Variants in MINAR1 observed in about 807,000 individuals in gnomAD.
MINAR1 encodes the protein major intrinsically disordered Notch2-binding receptor 1.
MINAR1 carries 40 observed loss-of-function variants against 65.1 expected under a neutral mutation model. The observed-to-expected ratio is 0.61, with a 90% CI of 0.48 to 0.80. MINAR1 has a LOEUF of 0.80. Among genes scored for constraint, MINAR1 ranks in the 30% least tolerant of loss-of-function variants. The probability of loss-of-function intolerance (pLI) is 0.00; values close to 1 mark genes in which losing one functional copy is unlikely to be tolerated. For synonymous variants in MINAR1, 482 were observed against 449.1 expected (o/e 1.07, Z -0.93); for missense variants, 1,128 against 1,148.0 (o/e 0.98, Z 0.25).
At chr15:79,443,733 A>G (rs1469427502) in intron 1 of MINAR1, among the ~76,000 whole-genome samples, 1 of 152,134 alleles carries the variant, frequency 6.6e-6, no homozygotes, top group African/African-American at 2.4e-5. Flanking sequence ...TTATTCCCCC[A>G]CATTATTTTA....
At position 79,435,161 on chromosome 15, in the gene MINAR1, A is replaced by G. The variant is rs190992547; in HGVS notation, c.-51+2621A>G. ...CATGGCGGTGCATGCCTGTAATCCC[A>G]GCTACTCGGGAGGCTGAGGTAGGAG... On this transcript the variant is annotated intron_variant, in intron 1 of 3. Transcript: ENST00000305428. Among the ~76,000 whole-genome samples the G allele has an allele frequency of 6.8e-3, 1,028 of 152,190 alleles. 44 individuals carry two copies. The East Asian group carries it at 0.13, about 19-fold the overall frequency.
At chr15:79,428,533 C>A (rs184592465), upstream of MINAR1, among the ~76,000 whole-genome samples, 494 of 141,206 alleles carry the variant, frequency 3.5e-3, 1 homozygote, top group African/African-American at 8.5e-3. Context: ...CCCTTTTCTT[C>A]CTTCCTTTTG....
chr15:79,439,934 AG>A (rs1224279211), intron 1 of MINAR1, among the ~76,000 whole-genome samples: 2 of 152,156 alleles, frequency 1.3e-5, no homozygotes, highest in African/African-American at 2.4e-5. Context: ...GCCACCAAAA[AG>A]ATCCTTAGCT....
intron 1 of MINAR1, among the ~76,000 whole-genome samples, chr15:79,434,891 TGAG>T (rs1269247000): frequency 6.6e-6 from 1 of 152,094 alleles, no homozygotes; most frequent in Non-Finnish European, 1.5e-5. Flanking sequence ...ATGTGTAAAA[TGAG>T]AGAGTATCAG....
At chr15:79,424,347 A>C in the MINAR1 span, 7 of 152,296 alleles carry the variant, frequency 4.6e-5, no homozygotes, top group Non-Finnish European at 1.0e-4. Flanking sequence ...TTTCCTTTTC[A>C]GGCAATATTA....
chr15:79,435,248 C>A (rs1307341634), intron 1 of MINAR1, among the ~76,000 whole-genome samples: 2 of 151,304 alleles, frequency 1.3e-5, no homozygotes, highest in Admixed American at 1.3e-4. Context: ...TGCACTCCAG[C>A]CTGGGCAACA....
Position 79,469,567 on chromosome 15 carries a change from A to G in MINAR1, c.*1183A>G, listed in dbSNP as rs1335838308. 1.3e-5 allele frequency: 2 copies of G among 152,322 alleles called. No homozygotes were observed. The highest frequency in any genetic ancestry group is 3.8e-4 in the East Asian group (2 of 5,202). The allele number at this position is 152,322 out of a possible 1,614,324, so 9.4% of individuals were successfully genotyped here. A position where few individuals can be genotyped will look rare whatever the true frequency, so the allele number is the denominator to read the frequency against. On this transcript the variant is annotated 3_prime_UTR_variant, in exon 4 of 4. Coordinates refer to ENST00000305428, the MANE Select transcript of MINAR1 (RefSeq NM_015206.3). ...TATCTATCTATCTATATGTCTATCT[A>G]TCTATCTAAATACTTGATTTTTATT...
chr15:79,431,932 C>G (rs1324704855), upstream of MINAR1, among the ~76,000 whole-genome samples: 1 of 152,216 alleles, frequency 6.6e-6, no homozygotes, highest in Non-Finnish European at 1.5e-5. Context: ...AGGGCACCCC[C>G]TTGGCGCGAC....
rs780489588 is a variant in MINAR1 at position 79,463,216 on chromosome 15, G to T, written c.2448G>T (p.Arg816=). 1.7e-5 allele frequency: 27 copies of T among 1,614,098 alleles called. No homozygotes were observed. The highest frequency in any genetic ancestry group is 2.0e-5 in the Non-Finnish European group (24 of 1,180,060). ...GCAACCCCCTGTACACAGACATGCG[G>T]CTGACCGAGTTGGCCGAGGTGAAGC... ...MKSNPLYTDM[R]LTELAEVKRG... The change falls in exon 3 of 4, where the codon CGG becomes CGT. Residue 816 remains arginine (R), a synonymous_variant. Coordinates refer to ENST00000305428, the MANE Select transcript of MINAR1 (RefSeq NM_015206.3).
At chr15:79,444,193 T>A (rs1894946858) in intron 1 of MINAR1, among the ~76,000 whole-genome samples, 1 of 152,172 alleles carries the variant, frequency 6.6e-6, no homozygotes, top group South Asian at 2.1e-4. Flanking sequence ...TCATATTAGT[T>A]CCTATTTTGT....
chr15:79,448,226 T>C (rs1053466902), intron 1 of MINAR1, among the ~76,000 whole-genome samples: 3 of 152,230 alleles, frequency 2.0e-5, no homozygotes, highest in Admixed American at 2.0e-4. Context: ...CATAATCACT[T>C]GACTTCTTAA....
At position 79,457,302 on chromosome 15, in the gene MINAR1, T is replaced by A. The variant is rs769231383; in HGVS notation, c.1155T>A (p.Asn385Lys). The A allele has an allele frequency of 1.9e-6, 3 of 1,614,030 alleles. No individual in the cohort carries two copies. In the African/African-American group the frequency reaches 4.0e-5, roughly 22 times the overall value. Reference protein sequence around the residue: ...EVPDFERSFFNRNPSEEKLHY... With the variant: ...EVPDFERSFFKRNPSEEKLHY... ...CTGACTTTGAACGGTCCTTTTTCAA[T>A]AGAAATCCCTCCGAGGAGAAGCTAC... Residue 385 changes from asparagine (N) to lysine (K), a missense_variant, in exon 2 of 4, where the codon AAT becomes AAA. By Grantham distance (94) the Asn-to-Lys change is moderately conservative. Transcript: ENST00000305428.
the MINAR1 span, chr15:79,425,764 A>T: frequency 6.6e-6 from 1 of 152,526 alleles, no homozygotes; most frequent in African/African-American, 2.4e-5. Flanking sequence ...CCAAGGTACC[A>T]GAGCCAGACA....
At chr15:79,454,081 T>C (rs1002671604) in intron 1 of MINAR1, among the ~76,000 whole-genome samples, 1 of 152,186 alleles carries the variant, frequency 6.6e-6, no homozygotes, top group African/African-American at 2.4e-5. Flanking sequence ...TGACAGGCTG[T>C]CCCCACCTTT....
At chr15:79,424,593 C>T in the MINAR1 span, 5 of 152,154 alleles carry the variant, frequency 3.3e-5, no homozygotes, top group African/African-American at 1.2e-4. Context: ...CTGGGAAGTG[C>T]CCAGATAAAA....
At chr15:79,448,947 G>C (rs985309472) in intron 1 of MINAR1, among the ~76,000 whole-genome samples, 1 of 152,184 alleles carries the variant, frequency 6.6e-6, no homozygotes, top group Admixed American at 6.5e-5. Context: ...ATATGCGTAA[G>C]ATTGTGAAAG....
intron 2 of MINAR1, 98 bp from the exon 3 acceptor site, chr15:79,462,969 C>A: frequency 1.5e-6 from 2 of 1,378,056 alleles, no homozygotes; most frequent in Non-Finnish European, 9.9e-7. Flanking sequence ...CACTTTGCTA[C>A]CTGAATGTCT....
chr15:79,463,270 G>A lies in MINAR1; in HGVS notation c.2502G>A (p.Glu834=), dbSNP rs1323046985. The A allele has an allele frequency of 5.0e-6, 8 of 1,614,126 alleles. No individual in the cohort carries two copies. Among genetic ancestry groups the A allele is most frequent in the Admixed American group, 3.3e-5 (2 of 60,014 alleles). Residue 834 remains glutamate, a synonymous_variant, in exon 3 of 4, where the codon GAG becomes GAA. Coordinates refer to ENST00000305428, the MANE Select transcript of MINAR1 (RefSeq NM_015206.3). ...KRGQPSWTIE[E]YARNAGDKGK... ...GCCAACCTTCTTGGACCATTGAGGA[G>A]TATGCACGGAATGCGGGCGACAAGG... is the stretch of plus-strand genomic sequence containing the variant.
Position 79,458,105 on chromosome 15 carries a change from G to A in MINAR1, c.1958G>A (p.Gly653Asp). The change falls in exon 2 of 4, where the codon GGT (glycine) becomes GAT (aspartate). Residue 653 changes from glycine to aspartate, a missense_variant. By Grantham distance (94) the Gly-to-Asp change is moderately conservative. Transcript: ENST00000305428. ...GATCTGAACTCCTTGACAAGCGAGG[G>A]TCCGTCTGATGACAGTGCCTCTCCC... ...QIDLNSLTSE[G>D]PSDDSASPRM... 6.2e-7 allele frequency: 1 copy of A among 1,614,156 alleles called. No homozygotes were observed. The highest frequency in any genetic ancestry group is 1.1e-5 in the South Asian group (1 of 91,068).
Sources: gnomAD v4.1 joint callset for allele counts (sites outside exome capture counted in the v4.1 genomes callset) on GRCh38, gnomAD v4.1.1 for gene constraint, MANE v1.5 for transcripts, NCBI Gene and HGNC (gene_info 2026-07-23, HGNC 2026-07-21) for gene names.